Variants in KCNMB2 observed in about 807,000 individuals in gnomAD.
KCNMB2 encodes calcium-activated potassium channel subunit beta-2.
A neutral mutation model predicts 24.5 loss-of-function variants in KCNMB2; 9 were observed. That is an observed-to-expected ratio of 0.37 (90% CI 0.22 to 0.64). The LOEUF (loss-of-function observed/expected upper bound fraction) is 0.64, where lower values mean the gene tolerates loss of function less well. Among genes scored for constraint, KCNMB2 ranks in the 30% least tolerant of loss-of-function variants. The pLI is 0.63. For missense variants in KCNMB2, 226 were observed against 284.3 expected (o/e 0.79, Z 1.47); for synonymous variants, 109 against 104.4 (o/e 1.04, Z -0.27).
chr3:178,695,166 C>T (rs1721829963), intron 1 of KCNMB2, among the ~76,000 whole-genome samples: 2 of 152,258 alleles, frequency 1.3e-5, no homozygotes, highest in South Asian at 4.1e-4. Flanking sequence ...TCTGAAGCTA[C>T]AGCCCTAGCT....
chr3:178,539,801 C>T (rs7613431), intron 1 of KCNMB2, among the ~76,000 whole-genome samples: 121,895 of 152,104 alleles, frequency 0.8, 49,534 homozygotes, highest in African/African-American at 0.95. Context: ...ATTTTATAAA[C>T]AGAGACTTTT....
Position 178,715,018 on chromosome 3 carries a change from CTT to C in KCNMB2, c.-67-92323_-67-92322del, listed in dbSNP as rs1722574046. Among the ~76,000 whole-genome samples, 6 of 152,128 alleles carry C rather than the reference CTT, an allele frequency of 3.9e-5. No homozygotes were observed. The South Asian group carries it at 1.2e-3, about 32-fold the overall frequency. On this transcript the variant is annotated intron_variant, in intron 1 of 4. Coordinates refer to ENST00000452583, the MANE Select transcript of KCNMB2 (RefSeq NM_181361.3). Reference sequence around the variant, plus strand: ...CTGAAAAGAAAAAAATATCTGACCACTTTGTTTATTTTGGAGGAAAATTACAG... The same window carrying C: ...CTGAAAAGAAAAAAATATCTGACCACTGTTTATTTTGGAGGAAAATTACAG...
chr3:178,580,005 C>T (rs1474900829), intron 1 of KCNMB2, among the ~76,000 whole-genome samples: 1 of 152,130 alleles, frequency 6.6e-6, no homozygotes, highest in Non-Finnish European at 1.5e-5. Flanking sequence ...GGGACTCCTC[C>T]CTAACTCATT....
At chr3:178,639,043 G>GT (rs1241300264) in intron 1 of KCNMB2, among the ~76,000 whole-genome samples, 1 of 152,012 alleles carries the variant, frequency 6.6e-6, no homozygotes, top group Non-Finnish European at 1.5e-5. Context: ...TGTTTTATCG[G>GT]TTTTAGCTGT....
rs557330049 is a variant in KCNMB2, at chr3:178,566,468, A to C, written c.-68+29757A>C. Among the ~76,000 whole-genome samples, 146 of 152,206 alleles carry C rather than the reference A, an allele frequency of 9.6e-4. 1 individual carries two copies. The highest frequency in any genetic ancestry group is 3.4e-3 in the African/African-American group (141 of 41,534). Reference sequence around the variant, plus strand: ...CATACACACACACTCCTACTTGGCAATGTTAGCTCAGAGAAAACTCATATG... The same window carrying C: ...CATACACACACACTCCTACTTGGCACTGTTAGCTCAGAGAAAACTCATATG... On this transcript the variant is annotated intron_variant, in intron 1 of 4. Coordinates refer to ENST00000452583, the MANE Select transcript of KCNMB2 (RefSeq NM_181361.3).
intron 1 of KCNMB2, among the ~76,000 whole-genome samples, chr3:178,573,432 G>A (rs149012421): frequency 4.6e-5 from 7 of 152,110 alleles, no homozygotes; most frequent in African/African-American, 9.6e-5. Context: ...AGCCAGTTCC[G>A]TATTTGACCA....
At chr3:178,629,101 A>G (rs1022389911) in intron 1 of KCNMB2, among the ~76,000 whole-genome samples, 10 of 152,180 alleles carry the variant, frequency 6.6e-5, no homozygotes, top group African/African-American at 1.7e-4. Context: ...TATCTACATT[A>G]TAACCCCCAA....
chr3:178,748,283 A>G (rs564865789), intron 1 of KCNMB2: 1 of 152,214 alleles, frequency 6.6e-6, no homozygotes, highest in African/African-American at 2.4e-5. Context: ...TGTTTTGTTC[A>G]CCCAAATATA....
At chr3:178,691,723 T>C (rs1356133812) in intron 1 of KCNMB2, among the ~76,000 whole-genome samples, 6 of 152,200 alleles carry the variant, frequency 3.9e-5, no homozygotes, top group Non-Finnish European at 5.9e-5. Flanking sequence ...AACATACGCA[T>C]GCATGTGTCT....
intron 1 of KCNMB2, among the ~76,000 whole-genome samples, chr3:178,700,197 C>T (rs1330213946): frequency 6.6e-6 from 1 of 152,300 alleles, no homozygotes; most frequent in Non-Finnish European, 1.5e-5. Context: ...TTTTACAATG[C>T]AAATATTAAT....
chr3:178,821,693 C>T (rs754138234), intron 2 of KCNMB2, among the ~76,000 whole-genome samples: 2 of 152,086 alleles, frequency 1.3e-5, no homozygotes, highest in Non-Finnish European at 2.9e-5. Context: ...TAGGGAAATA[C>T]GGAAACAAGA....
intron 1 of KCNMB2, among the ~76,000 whole-genome samples, chr3:178,548,844 A>T (rs529014273): frequency 1.3e-5 from 2 of 152,226 alleles, no homozygotes; most frequent in Non-Finnish European, 2.9e-5. Flanking sequence ...GAAGACAGGA[A>T]CTATATTTTA....
At chr3:178,749,368 G>A (rs1181912562) in intron 1 of KCNMB2, 3 of 152,112 alleles carry the variant, frequency 2.0e-5, no homozygotes, top group African/African-American at 7.2e-5. Flanking sequence ...ATTTCAACTG[G>A]TAACACCTAG....
At chr3:178,644,013 C>A (rs1346232269) in intron 1 of KCNMB2, among the ~76,000 whole-genome samples, 1 of 152,240 alleles carries the variant, frequency 6.6e-6, no homozygotes, top group African/African-American at 2.4e-5. Context: ...CAGACCATGT[C>A]CTCTGAGGCA....
At chr3:178,769,501 A>G (rs1435623088) in intron 1 of KCNMB2, among the ~76,000 whole-genome samples, 2 of 152,186 alleles carry the variant, frequency 1.3e-5, no homozygotes, top group East Asian at 1.9e-4. Context: ...TACGGGAGAG[A>G]GGCAAAGAAT....
chr3:178,680,798 A>G (rs898347073), intron 1 of KCNMB2, among the ~76,000 whole-genome samples: 1 of 152,206 alleles, frequency 6.6e-6, no homozygotes, highest in Non-Finnish European at 1.5e-5. Context: ...GTATCCCAGT[A>G]AAGAAATTTT....
intron 1 of KCNMB2, among the ~76,000 whole-genome samples, chr3:178,630,659 G>A: frequency 6.6e-6 from 1 of 152,196 alleles, no homozygotes; most frequent in South Asian, 2.1e-4. Context: ...AAGGAGGTGA[G>A]AGGGCAACAG....
intron 1 of KCNMB2, among the ~76,000 whole-genome samples, chr3:178,705,150 C>T (rs746146825): frequency 6.6e-6 from 1 of 152,094 alleles, no homozygotes; most frequent in African/African-American, 2.4e-5. Context: ...CCAGTCATAT[C>T]CTGGGAACCT....
At chr3:178,579,363 TA>T (rs1219726306) in intron 1 of KCNMB2, among the ~76,000 whole-genome samples, 1 of 152,122 alleles carries the variant, frequency 6.6e-6, no homozygotes, top group African/African-American at 2.4e-5. Flanking sequence ...GGGACACAGC[TA>T]AAGCAGTGTT....
Sources: allele counts gnomAD v4.1 joint callset (sites outside exome capture counted in the v4.1 genomes callset), GRCh38; gene constraint gnomAD v4.1.1; transcripts MANE v1.5; gene names NCBI Gene and HGNC (gene_info 2026-07-23, HGNC 2026-07-21).